BANK1: variants seen among roughly 807,000 people sequenced by gnomAD.
BANK1 encodes the protein B-cell scaffold protein with ankyrin repeats.
A neutral mutation model predicts 94.5 loss-of-function variants in BANK1; 95 were observed. The observed-to-expected ratio is 1.00, with a 90% CI of 0.85 to 1.19. BANK1 has a LOEUF of 1.19. Ranked by LOEUF, BANK1 falls within the 50% of genes most tolerant of loss-of-function variation. The pLI, the probability that BANK1 is intolerant of heterozygous loss-of-function variation, is 0.00. For synonymous variants in BANK1, 334 were observed against 308.4 expected, an observed-to-expected ratio of 1.08 and a Z score of -0.87; for missense variants, 987 against 932.2, an observed-to-expected ratio of 1.06 and a Z score of -0.77.
chr4:101,938,569 T>C (rs1723647218), intron 7 of BANK1, among the ~76,000 whole-genome samples: 1 of 151,530 alleles, frequency 6.6e-6, no homozygotes, highest in Non-Finnish European at 1.5e-5. Flanking sequence ...ACCCCTTAAA[T>C]ATATATACCT....
chr4:101,915,545 A>C (rs2148899226), intron 6 of BANK1, among the ~76,000 whole-genome samples: 1 of 152,260 alleles, frequency 6.6e-6, no homozygotes, highest in South Asian at 2.1e-4. Context: ...ACAATTAACA[A>C]GAGAAATACC....
intron 11 of BANK1, among the ~76,000 whole-genome samples, chr4:102,045,617 C>G (rs1386060701): frequency 6.6e-6 from 1 of 151,998 alleles, no homozygotes; most frequent in Non-Finnish European, 1.5e-5. Flanking sequence ...AATCAATGTA[C>G]AAAAATCACA....
intron 7 of BANK1, among the ~76,000 whole-genome samples, chr4:101,959,418 G>A (rs993031695): frequency 2.6e-5 from 4 of 152,134 alleles, no homozygotes; most frequent in South Asian, 4.1e-4. Flanking sequence ...GATTACAGGC[G>A]TGAGCCACCA....
chr4:101,847,733 T>TCA (rs1250069492), intron 2 of BANK1, among the ~76,000 whole-genome samples: 44 of 98,642 alleles, frequency 4.5e-4, no homozygotes, highest in Admixed American at 2.4e-3. Flanking sequence ...TAGTATTCCA[T>TCA]CATACACACA....
chr4:101,806,602 C>T (rs932515621), intron 1 of BANK1, among the ~76,000 whole-genome samples: 7 of 152,120 alleles, frequency 4.6e-5, no homozygotes, highest in African/African-American at 1.7e-4. Context: ...TATTGATACT[C>T]ACATTAATTA....
chr4:101,815,282 G>A (rs1454933516), intron 1 of BANK1, among the ~76,000 whole-genome samples: 1 of 152,078 alleles, frequency 6.6e-6, no homozygotes, highest in Non-Finnish European at 1.5e-5. Context: ...CTGACTACAA[G>A]CATATTCTGA....
At chr4:101,818,456 G>A (rs569000051) in intron 1 of BANK1, among the ~76,000 whole-genome samples, 1 of 152,156 alleles carries the variant, frequency 6.6e-6, no homozygotes, top group Admixed American at 6.5e-5. Context: ...GCAGAGTTGT[G>A]AAGAAATAAC....
At chr4:101,947,284 A>AATATAT (rs36202521) in intron 7 of BANK1, among the ~76,000 whole-genome samples, 2 of 58,232 alleles carry the variant, frequency 3.4e-5, no homozygotes, top group Admixed American at 1.6e-4. Flanking sequence ...AGAAGTTGTA[A>AATATAT]ATATATATAT....
At chr4:101,938,374 T>A (rs998722078) in intron 7 of BANK1, among the ~76,000 whole-genome samples, 4 of 151,420 alleles carry the variant, frequency 2.6e-5, no homozygotes, top group Admixed American at 2.0e-4. Context: ...ATGAATAAGA[T>A]CTAGTATTTT....
intron 7 of BANK1, among the ~76,000 whole-genome samples, chr4:101,930,610 T>C (rs1405362304): frequency 6.6e-6 from 1 of 151,512 alleles, no homozygotes; most frequent in East Asian, 2.0e-4. Context: ...AGCAAAAAAT[T>C]TTATAGTACT....
chr4:101,816,423 A>T (rs1725920954), intron 1 of BANK1, among the ~76,000 whole-genome samples: 1 of 152,204 alleles, frequency 6.6e-6, no homozygotes, highest in Admixed American at 6.5e-5. Context: ...GTGGTCTCTC[A>T]AATATATTAC....
At chr4:102,067,775 C>A (rs1728641538) in intron 13 of BANK1, among the ~76,000 whole-genome samples, 1 of 151,882 alleles carries the variant, frequency 6.6e-6, no homozygotes, top group South Asian at 2.1e-4. Context: ...ATACAGAAGA[C>A]CTAAACAACA....
At chr4:101,940,601 G>T (rs554828030) in intron 7 of BANK1, among the ~76,000 whole-genome samples, 1 of 151,568 alleles carries the variant, frequency 6.6e-6, no homozygotes. Context: ...GACTTTCCTT[G>T]TGTTTGATGA....
At chr4:102,007,626 C>G (rs1726349546) in intron 7 of BANK1, among the ~76,000 whole-genome samples, 1 of 152,016 alleles carries the variant, frequency 6.6e-6, no homozygotes, top group African/African-American at 2.4e-5. Flanking sequence ...TTTAGTACAT[C>G]TATCAGAAAA....
chr4:101,836,720 A>G (rs1726844478), intron 2 of BANK1, among the ~76,000 whole-genome samples: 1 of 152,190 alleles, frequency 6.6e-6, no homozygotes, highest in Non-Finnish European at 1.5e-5. Flanking sequence ...ATATCAGACA[A>G]ATCAAACTGG....
At chr4:101,858,448 CTA>C (rs887327840) in intron 3 of BANK1, among the ~76,000 whole-genome samples, 8 of 152,122 alleles carry the variant, frequency 5.3e-5, no homozygotes, top group African/African-American at 1.9e-4. Context: ...TAGCTCCATC[CTA>C]TAGAACAATT....
chr4:101,839,936 AATTTTTTTTTTTTTT>A (rs1726968629), intron 2 of BANK1, among the ~76,000 whole-genome samples: 1 of 78,946 alleles, frequency 1.3e-5, no homozygotes, highest in African/African-American at 4.6e-5. Context: ...TCAAATATTT[AATTTTTTTTTTTTTT>A]TTTTTTTTTT....
At chr4:101,954,603 G>A (rs1001211872) in intron 7 of BANK1, among the ~76,000 whole-genome samples, 15 of 151,894 alleles carry the variant, frequency 9.9e-5, no homozygotes, top group African/African-American at 3.4e-4. Flanking sequence ...CTGGCATGCT[G>A]ACAAAAAAAA....
At chr4:102,029,122 G>A (rs1474396051) in intron 9 of BANK1, among the ~76,000 whole-genome samples, 20 of 152,016 alleles carry the variant, frequency 1.3e-4, no homozygotes, top group Admixed American at 1.3e-3. Context: ...TCAAATTCCT[G>A]GCCTCCAGCT....
Sources: gnomAD v4.1 joint callset for allele counts (sites outside exome capture counted in the v4.1 genomes callset) on GRCh38, gnomAD v4.1.1 for gene constraint, MANE v1.5 for transcripts, NCBI Gene and HGNC (gene_info 2026-07-23, HGNC 2026-07-21) for gene names.